The following GABRD variants were observed in gnomAD, a reference collection of about 807,000 sequenced individuals.
The protein encoded by GABRD is gamma-aminobutyric acid type A receptor subunit delta.
GABRD carries 25 observed loss-of-function variants against 47.3 expected under a neutral mutation model. That is an observed-to-expected ratio of 0.53 (90% CI 0.39 to 0.74). GABRD has a LOEUF of 0.74. Ranked by LOEUF, GABRD falls within the 30% of genes least tolerant of loss-of-function variation. The pLI is 0.00. For synonymous variants in GABRD, 314 were observed against 278.8 expected, an observed-to-expected ratio of 1.13 and a Z score of -1.26; for missense variants, 497 against 643.4, an observed-to-expected ratio of 0.77 and a Z score of 2.46.
At position 2,029,160 on chromosome 1, in the gene GABRD, C is replaced by T. The variant is rs374321464; in HGVS notation, c.741C>T (p.Arg247=). Residue 247 remains arginine, a synonymous_variant, in exon 7 of 9, where the codon CGC becomes CGT. Coordinates refer to ENST00000378585, the MANE Select transcript of GABRD (RefSeq NM_000815.5). ...LSLHFHLRRN[R]GVYIIQSYMP... ...TGCACTTCCACCTGCGGAGGAACCG[C>T]GGCGTGTACATCATCCAATCCTACA... 22 of 1,549,626 alleles carry T rather than the reference C, an allele frequency of 1.4e-5. No homozygotes were observed. Among genetic ancestry groups the T allele is most frequent in the South Asian group, 3.6e-5 (3 of 84,190 alleles).
chr1:2,021,882 C>A (rs144452496), intron 1 of GABRD, among the ~76,000 whole-genome samples: 1 of 152,196 alleles, frequency 6.6e-6, no homozygotes, highest in Non-Finnish European at 1.5e-5. Flanking sequence ...CATCTACCTT[C>A]CCTGTCTGTC....
In GABRD at chr1:2,030,304, C is replaced by T. The variant is rs368383516; in HGVS notation, c.*22C>T. ...GTGAGCACAGGACTCAGGCCACCCTCGCTTGTCCTGGCGCCCGGCGGCAGC... is the reference window on the plus strand; with the variant it reads ...GTGAGCACAGGACTCAGGCCACCCTTGCTTGTCCTGGCGCCCGGCGGCAGC... On this transcript the variant is annotated 3_prime_UTR_variant, in exon 9 of 9. Transcript: ENST00000378585. 82 of 1,482,794 alleles carry T rather than the reference C, an allele frequency of 5.5e-5. No individual in the cohort carries two copies. The highest frequency in any genetic ancestry group is 6.7e-5 in the Non-Finnish European group (75 of 1,115,718). The allele number at this position is 1,482,794 out of a possible 1,614,324, so 91.9% of individuals were successfully genotyped here.
intron 1 of GABRD, among the ~76,000 whole-genome samples, chr1:2,022,560 G>GGC (rs1287596028): frequency 1.3e-5 from 2 of 152,268 alleles, no homozygotes; most frequent in Non-Finnish European, 2.9e-5. Context: ...AGGAAGGACG[G>GGC]TGTCTCCTGT....
intron 7 of GABRD, 131 bp downstream of exon 7, chr1:2,029,397 G>T: frequency 7.0e-7 from 1 of 1,418,698 alleles, no homozygotes; most frequent in Non-Finnish European, 9.5e-7. Context: ...GTGGCCAGCC[G>T]GGCCAGGCCA....
intron 1 of GABRD, 137 bp from the exon 2 acceptor site, chr1:2,024,805 C>CTGCAA (rs2102146776): frequency 1.6e-6 from 1 of 632,384 alleles, no homozygotes; most frequent in East Asian, 2.8e-5. Flanking sequence ...AGGCCCCCAC[C>CTGCAA]TGCAAGGGCT....
rs1330836424 is a variant in GABRD, at chr1:2,030,328, G to A, written c.*46G>A. The A allele has an allele frequency of 1.4e-6, 2 of 1,462,856 alleles. No individual in the cohort carries two copies. Among genetic ancestry groups the A allele is most frequent in the Non-Finnish European group, 1.8e-6 (2 of 1,103,676 alleles). The allele number at this position is 1,462,856 out of a possible 1,614,324, so 90.6% of individuals were successfully genotyped here. On this transcript the variant is annotated 3_prime_UTR_variant, in exon 9 of 9. Coordinates refer to ENST00000378585, the MANE Select transcript of GABRD (RefSeq NM_000815.5). ...TCGCTTGTCCTGGCGCCCGGCGGCA[G>A]CTGCCCAGAAACTTCCTGGGAGAAA...
At chr1:2,029,891 G>A in intron 8 of GABRD, 92 bp from the exon 9 acceptor site, 1 of 1,557,188 alleles carries the variant, frequency 6.4e-7, no homozygotes, top group Non-Finnish European at 8.8e-7. Context: ...GCTGGTCCAG[G>A]CGGGGCCCCC....
chr1:2,029,064 G>T (rs375471016), intron 6 of GABRD, 47 bp from the exon 7 acceptor site: 652 of 1,535,054 alleles, frequency 4.2e-4, no homozygotes, highest in Non-Finnish European at 5.5e-4. Flanking sequence ...CCATGGTTGG[G>T]CTGGGCTGGG....
At chr1:2,020,431 C>T (rs1035979268) in intron 1 of GABRD, among the ~76,000 whole-genome samples, 2 of 152,242 alleles carry the variant, frequency 1.3e-5, no homozygotes, top group African/African-American at 4.8e-5. Flanking sequence ...AGGTGGCTGA[C>T]CGTAGTAGAG....
chr1:2,028,843 G>A lies in GABRD; in HGVS notation c.692-268G>A. The A allele has an allele frequency of 3.7e-6, 2 of 545,960 alleles. No individual in the cohort carries two copies. The highest frequency in any genetic ancestry group is 6.5e-6 in the Non-Finnish European group (2 of 308,962). The allele number at this position is 545,960 out of a possible 1,614,324, so 33.8% of individuals were successfully genotyped here. On this transcript the variant is annotated intron_variant, in intron 6 of 8. Transcript: ENST00000378585. The surrounding 1 kb of genome is among the most constrained non-coding windows in gnomAD (Gnocchi z 6.4). ...TGGTTGCGAGGGTCCCTCAGGGCCA[G>A]TCCAGCAAACATGAGGCCAGCAGTA...
intron 1 of GABRD, 104 bp from the exon 2 acceptor site, chr1:2,024,838 T>TG: frequency 1.2e-6 from 1 of 808,604 alleles, no homozygotes; most frequent in Admixed American, 2.3e-5. Context: ...CCCCATGCCC[T>TG]GGCCCAGGTG....
rs1327063122 is a variant in GABRD at position 2,025,734 on chromosome 1, A to G, written c.466A>G (p.Ile156Val). The part of the protein sequence containing the change: ...LQPDGVILYS[I>V]RITSTVACDM... ...GCCCGACGGCGTGATCCTGTACAGC[A>G]TCCGGTGAGCGGGCTGCCCACCCGG... The change falls in exon 4 of 9, where the codon ATC becomes GTC. Residue 156 changes from isoleucine to valine, a missense_variant. By Grantham distance (29) the Ile-to-Val change is conservative (BLOSUM62 3). Transcript: ENST00000378585. 6.2e-7 allele frequency: 1 copy of G among 1,611,414 alleles called. No individual in the cohort carries two copies. The highest frequency in any genetic ancestry group is 2.2e-5 in the East Asian group (1 of 44,858).
chr1:2,029,100 T>A lies in GABRD; in HGVS notation c.692-11T>A. 6.5e-7 allele frequency: 1 copy of A among 1,539,754 alleles called. No individual in the cohort carries two copies. Among genetic ancestry groups the A allele is most frequent in the Middle Eastern group, 1.7e-4 (1 of 5,862 alleles). ...CAGGGATGGGGGCACTGACGGTGGC[T>A]GTCCTGGCAGCTGGCCAGTTCCCAC... On this transcript the variant is annotated splice_polypyrimidine_tract_variant and intron_variant, in intron 6 of 8. Transcript: ENST00000378585.
At chr1:2,019,619 G>GT (rs1351841242) in intron 1 of GABRD, 128 bp downstream of exon 1, 2 of 423,720 alleles carry the variant, frequency 4.7e-6, no homozygotes, top group Non-Finnish European at 6.6e-6. Flanking sequence ...AGAGCCCCGC[G>GT]TCCTCCCTCC....
At position 2,030,266 on chromosome 1, in the gene GABRD, C is replaced by T. The variant is rs756592609; in HGVS notation, c.1343C>T (p.Ala448Val). The T allele has an allele frequency of 8.4e-6, 13 of 1,549,010 alleles. No homozygotes were observed. Among genetic ancestry groups the T allele is most frequent in the East Asian group, 4.6e-5 (2 of 43,742 alleles). ...GCGGCCGTCAATGTCATCTACTGGG[C>T]GGCATACGCCATGTGAGCACAGGAC... ...AFAAVNVIYW[A>V]AYAM Residue 448 changes from alanine (A) to valine (V), a missense_variant, in exon 9 of 9, where the codon GCG (alanine) becomes GTG (valine). Ala to Val is a moderately conservative substitution (Grantham distance 64). Transcript: ENST00000378585.
At chr1:2,024,333 C>G (rs111274052) in intron 1 of GABRD, 1 of 152,324 alleles carries the variant, frequency 6.6e-6, no homozygotes, top group African/African-American at 2.4e-5. Flanking sequence ...CGAGCTGCTC[C>G]GAGGTTGAGC....
intron 1 of GABRD, chr1:2,024,542 A>T: frequency 6.2e-6 from 1 of 160,618 alleles, no homozygotes; most frequent in East Asian, 1.8e-4. Flanking sequence ...GCCGACAGGG[A>T]GACCTCTTTG....
chr1:2,028,896 G>T lies in GABRD; in HGVS notation c.692-215G>T, dbSNP rs1276607924. ...CTCAGCCTCTCTCCCTCTCCTCTGG[G>T]TGACACTGCTCAGGACCAGCCTGTC... On this transcript the variant is annotated intron_variant, in intron 6 of 8. Coordinates refer to ENST00000378585, the MANE Select transcript of GABRD (RefSeq NM_000815.5). This position sits in a 1 kb window ranked among gnomAD's most constrained non-coding sequence, Gnocchi z 6.4. 2 of 606,286 alleles carry T rather than the reference G, an allele frequency of 3.3e-6. No homozygotes were observed. The highest frequency in any genetic ancestry group is 5.7e-6 in the Non-Finnish European group (2 of 348,044). The allele number at this position is 606,286 out of a possible 1,614,324, so 37.6% of individuals were successfully genotyped here.
At position 2,025,718 on chromosome 1, in the gene GABRD, C is replaced by T. The variant is rs916955416; in HGVS notation, c.450C>T (p.Gly150=). 2.0e-5 allele frequency: 32 copies of T among 1,612,654 alleles called. No individual in the cohort carries two copies. The highest frequency in any genetic ancestry group is 6.7e-5 in the East Asian group (3 of 44,890). The stretch of plus-strand genomic sequence containing the variant: ...AGCTCATCCGGCTGCAGCCCGACGG[C>T]GTGATCCTGTACAGCATCCGGTGAG... ...ENKLIRLQPD[G]VILYSIRITS... The change falls in exon 4 of 9, where the codon GGC becomes GGT. Residue 150 remains glycine (G), a synonymous_variant. Transcript: ENST00000378585.
Sources: gnomAD v4.1 joint callset for allele counts (sites outside exome capture counted in the v4.1 genomes callset) on GRCh38, gnomAD v4.1.1 for gene constraint, Gnocchi (gnomAD v3.1) non-coding constraint, MANE v1.5 for transcripts, NCBI Gene and HGNC (gene_info 2026-07-23, HGNC 2026-07-21) for gene names.